Variants in MET observed in about 807,000 individuals in gnomAD.
The protein encoded by MET is hepatocyte growth factor receptor.
A neutral mutation model predicts 133.1 loss-of-function variants in MET; 48 were observed. That is an observed-to-expected ratio of 0.36 (90% CI 0.29 to 0.46). The LOEUF is 0.46. Ranked by LOEUF, MET falls within the 20% of genes least tolerant of loss-of-function variation. MET has a pLI of 1.00. For synonymous variants in MET, 628 were observed against 616.5 expected, an observed-to-expected ratio of 1.02 and a Z score of -0.28; for missense variants, 1,442 against 1,695.9, an observed-to-expected ratio of 0.85 and a Z score of 2.63.
At chr7:116,743,810 C>T (rs981007641) in intron 5 of MET, among the ~76,000 whole-genome samples, 1 of 152,114 alleles carries the variant, frequency 6.6e-6, no homozygotes, top group African/African-American at 2.4e-5. Context: ...TGGTGGGTGC[C>T]CCTCTAGGAT....
At chr7:116,784,883 C>A (rs577806852) in intron 19 of MET, among the ~76,000 whole-genome samples, 2 of 152,126 alleles carry the variant, frequency 1.3e-5, no homozygotes, top group Non-Finnish European at 2.9e-5. Flanking sequence ...GTCCCTTCTG[C>A]CTATGAGCCT....
Position 116,779,032 on chromosome 7 carries a change from G to A in MET, c.3522+75G>A, listed in dbSNP as rs1241215493. The A allele has an allele frequency of 4.1e-6, 6 of 1,473,642 alleles. No individual in the cohort carries two copies. In the Admixed American group the frequency reaches 5.3e-5, roughly 13 times the overall value. The allele number at this position is 1,473,642 out of a possible 1,614,324, so 91.3% of individuals were successfully genotyped here. Reference sequence around the variant, plus strand: ...CATCCCTTCAAAATAGGCCTGCTCTGAGTCTTTAAAAAGCTAGTAGCCAAA... The same window carrying A: ...CATCCCTTCAAAATAGGCCTGCTCTAAGTCTTTAAAAAGCTAGTAGCCAAA... On this transcript the variant is annotated intron_variant, in intron 17 of 20. Transcript: ENST00000397752.
In MET at chr7:116,759,400, C is replaced by T. The variant is rs1794309667; in HGVS notation, c.2274C>T (p.Ser758=). The change falls in exon 10 of 21, where the codon AGC becomes AGT. Residue 758 remains serine, a synonymous_variant. Transcript: ENST00000397752. ...TATTTTGCTTTGCCAGTGGTGGGAG[C>T]ACAATAACAGGTGTTGGGAAAAACC... ...HPTKSFISGG[S]TITGVGKNLN... is the part of the protein sequence containing the mutation. 2 of 1,613,506 alleles carry T rather than the reference C, an allele frequency of 1.2e-6. No homozygotes were observed. The highest frequency in any genetic ancestry group is 1.7e-6 in the Non-Finnish European group (2 of 1,179,800).
At chr7:116,754,949 A>AAG (rs1307806710) in intron 5 of MET, among the ~76,000 whole-genome samples, 5 of 129,288 alleles carry the variant, frequency 3.9e-5, no homozygotes, top group African/African-American at 1.4e-4. Flanking sequence ...GAAAGAAAGA[A>AAG]AGAGAAAGAA....
intron 5 of MET, among the ~76,000 whole-genome samples, chr7:116,745,949 G>C (rs1424569066): frequency 1.3e-5 from 2 of 152,136 alleles, no homozygotes; most frequent in Non-Finnish European, 2.9e-5. Context: ...TTAAACTAAA[G>C]AGCTTCTGCA....
At chr7:116,686,388 G>A (rs773799431) in intron 1 of MET, among the ~76,000 whole-genome samples, 5 of 151,964 alleles carry the variant, frequency 3.3e-5, no homozygotes, top group African/African-American at 4.8e-5. Context: ...CCCAATTTCC[G>A]AGCTACAAAC....
At chr7:116,754,925 AAGAAAGAAAG>A (rs1794083279) in intron 5 of MET, among the ~76,000 whole-genome samples, 1 of 148,216 alleles carries the variant, frequency 6.7e-6, no homozygotes, top group Admixed American at 6.7e-5. Flanking sequence ...GAAAGAAAGA[AAGAAAGAAAG>A]AAAGAAAGAA....
intron 5 of MET, among the ~76,000 whole-genome samples, chr7:116,754,935 G>GAAAGAAAGAAAGAA (rs1794087020): frequency 2.3e-5 from 3 of 132,402 alleles, no homozygotes; most frequent in Admixed American, 8.3e-5. Flanking sequence ...AAGAAAGAAA[G>GAAAGAAAGAAAGAA]AAAGAAAGAA....
chr7:116,683,005 A>C (rs1796417718), intron 1 of MET, among the ~76,000 whole-genome samples: 1 of 151,792 alleles, frequency 6.6e-6, no homozygotes, highest in Non-Finnish European at 1.5e-5. Context: ...ACCTGTGAGC[A>C]CCTCCTCCCT....
At chr7:116,793,582 T>A (rs917332351) in intron 19 of MET, among the ~76,000 whole-genome samples, 1 of 152,108 alleles carries the variant, frequency 6.6e-6, no homozygotes, top group Non-Finnish European at 1.5e-5. Flanking sequence ...CAACGTGAAC[T>A]ATTATACTTT....
At chr7:116,787,620 C>A (rs977138902) in intron 19 of MET, among the ~76,000 whole-genome samples, 1 of 152,194 alleles carries the variant, frequency 6.6e-6, no homozygotes, top group African/African-American at 2.4e-5. Context: ...GACATTAATT[C>A]ACCCATGAGA....
chr7:116,758,123 C>G (rs1489056306), intron 8 of MET, among the ~76,000 whole-genome samples: 1 of 152,138 alleles, frequency 6.6e-6, no homozygotes, highest in African/African-American at 2.4e-5. Context: ...TAGACTAAGT[C>G]ACTCTGGGGA....
intron 2 of MET, among the ~76,000 whole-genome samples, chr7:116,720,327 A>C (rs1396435945): frequency 2.1e-5 from 3 of 140,316 alleles, no homozygotes; most frequent in Admixed American, 1.4e-4. Flanking sequence ...ATTTTTGTAC[A>C]TTGATTTTGT....
rs1039917557 is a variant in MET at position 116,691,368 on chromosome 7, C to T, written c.-14-7703C>T. Among the ~76,000 whole-genome samples the T allele has an allele frequency of 3.3e-5, 5 of 151,900 alleles. No homozygotes were observed. In the East Asian group the frequency reaches 9.6e-4, roughly 29 times the overall value. ...TAATTATTCAAGTAAATAAAGAGAC[C>T]ATCTTTGTCCCAATTACTTGAATAT... On this transcript the variant is annotated intron_variant, in intron 1 of 20. Coordinates refer to ENST00000397752, the MANE Select transcript of MET (RefSeq NM_000245.4).
At chr7:116,690,719 T>C (rs1479217784) in intron 1 of MET, among the ~76,000 whole-genome samples, 1 of 152,236 alleles carries the variant, frequency 6.6e-6, no homozygotes, top group Non-Finnish European at 1.5e-5. Context: ...CTATCCACTT[T>C]TCCATTTAGG....
rs1584922200 is a variant in MET at position 116,740,070 on chromosome 7, A to T, written c.1513A>T (p.Ile505Phe). ...AAACCAAAATGGCTACACACTGGTT[A>T]TCACTGGGAAGAAGGTAAGCTGTTC... is the stretch of plus-strand genomic sequence containing the variant. ...TLNQNGYTLV[I>F]TGKKITKIPL... Residue 505 changes from isoleucine (I) to phenylalanine (F), a missense_variant, in exon 4 of 21, where the codon ATC becomes TTC. Coordinates refer to ENST00000397752, the MANE Select transcript of MET (RefSeq NM_000245.4). The T allele has an allele frequency of 6.2e-7, 1 of 1,614,144 alleles. No homozygotes were observed. Among genetic ancestry groups the T allele is most frequent in the Non-Finnish European group, 8.5e-7 (1 of 1,179,978 alleles).
Position 116,699,206 on chromosome 7 carries a change from A to C in MET, c.122A>C (p.Tyr41Ser), listed in dbSNP as rs780358093. Residue 41 changes from tyrosine (Y) to serine (S), a missense_variant, in exon 2 of 21, where the codon TAT (tyrosine) becomes TCT (serine). Physicochemically the swap from Tyr to Ser is moderately radical, Grantham distance 144 (BLOSUM62 -2). Coordinates refer to ENST00000397752, the MANE Select transcript of MET (RefSeq NM_000245.4). The part of the protein sequence containing the change: ...AKSEMNVNMK[Y>S]QLPNFTAETP... ...TCCGAGATGAATGTGAATATGAAGTATCAGCTTCCCAACTTCACCGCGGAA... is the reference window on the plus strand; with the variant it reads ...TCCGAGATGAATGTGAATATGAAGTCTCAGCTTCCCAACTTCACCGCGGAA... 6.2e-7 allele frequency: 1 copy of C among 1,613,972 alleles called. No individual in the cohort carries two copies. The highest frequency in any genetic ancestry group is 8.5e-7 in the Non-Finnish European group (1 of 1,179,918).
chr7:116,764,789 A>T (rs1794557985), intron 11 of MET, among the ~76,000 whole-genome samples: 1 of 152,176 alleles, frequency 6.6e-6, no homozygotes, highest in African/African-American at 2.4e-5. Flanking sequence ...TATATGGAAT[A>T]ACTCTTTCTC....
chr7:116,685,262 C>T (rs1796508368), intron 1 of MET, among the ~76,000 whole-genome samples: 1 of 152,182 alleles, frequency 6.6e-6, no homozygotes, highest in South Asian at 2.1e-4. Flanking sequence ...ACTCTCATGG[C>T]TTTTCATGAT....
Sources: gnomAD v4.1 joint callset for allele counts (sites outside exome capture counted in the v4.1 genomes callset) on GRCh38, gnomAD v4.1.1 for gene constraint, MANE v1.5 for transcripts, NCBI Gene and HGNC (gene_info 2026-07-23, HGNC 2026-07-21) for gene names.